Variants in TFRC observed in about 807,000 individuals in gnomAD.
TFRC encodes the protein transferrin receptor, also known as transferrin receptor protein 1.
A neutral mutation model predicts 85.8 loss-of-function variants in TFRC; 35 were observed. The observed-to-expected ratio is 0.41, with a 90% CI of 0.31 to 0.54. The LOEUF (loss-of-function observed/expected upper bound fraction) is 0.54, where lower values mean the gene tolerates loss of function less well. Among genes scored for constraint, TFRC ranks in the 20% least tolerant of loss-of-function variants. The pLI is 0.31. For missense variants in TFRC, 828 were observed against 921.5 expected (o/e 0.90, Z 1.31); for synonymous variants, 362 against 328.6 (o/e 1.10, Z -1.10).
Position 196,051,781 on chromosome 3 carries a change from C to T in TFRC, c.*161G>A. 4.0e-6 allele frequency: 3 copies of T among 743,802 alleles called. 1 individual carries two copies. The highest frequency in any genetic ancestry group is 3.8e-5 in the South Asian group (2 of 52,652). 46.1% of individuals were successfully genotyped at this position (743,802 alleles called of 1,614,324 possible). On this transcript the variant is annotated 3_prime_UTR_variant, in exon 19 of 19. Coordinates refer to ENST00000360110, the MANE Select transcript of TFRC (RefSeq NM_001128148.3). ...TAACTTGAAGTACAGGTTATCTACC[C>T]TGTATTAAAAGCTGCTGCCTAAAGA...
At chr3:196,060,308 T>G in intron 13 of TFRC, 61 bp from the exon 14 acceptor site, 1 of 1,356,568 alleles carries the variant, frequency 7.4e-7, no homozygotes. Flanking sequence ...ACACTGCTAC[T>G]TCTACAACTA....
At chr3:196,058,721 T>C in intron 14 of TFRC, 89 bp from the exon 15 acceptor site, 1 of 840,730 alleles carries the variant, frequency 1.2e-6, no homozygotes, top group Non-Finnish European at 1.8e-6. Context: ...TAACAATTTT[T>C]AAATAAAAAA....
intron 13 of TFRC, 67 bp downstream of exon 13, chr3:196,062,515 A>G (rs1237097748): frequency 6.3e-6 from 9 of 1,429,964 alleles, no homozygotes; most frequent in South Asian, 1.2e-5. Context: ...CCTGGGCGAC[A>G]AGAGCAAAAC....
rs200774597 is a variant in TFRC, at chr3:196,075,060, A to AG, written c.238+98_238+99insC. The AG allele has an allele frequency of 6.9e-3, 4,859 of 707,938 alleles. 80 individuals carry two copies. The highest frequency in any genetic ancestry group is 0.022 in the Middle Eastern group (49 of 2,178). The allele number at this position is 707,938 out of a possible 1,614,324, so 43.9% of individuals were successfully genotyped here. Reference sequence around the variant, plus strand: ...GCCTCTGTCTCCAAAAAAAAAAAAAAAAAAAATAAGGTACAAAATAACTAT... The same window carrying AG: ...GCCTCTGTCTCCAAAAAAAAAAAAAAGAAAAAATAAGGTACAAAATAACTAT... On this transcript the variant is annotated intron_variant, in intron 3 of 18. Transcript: ENST00000360110.
intron 6 of TFRC, among the ~76,000 whole-genome samples, chr3:196,070,410 A>T (rs1718090459): frequency 6.6e-6 from 1 of 151,846 alleles, no homozygotes. Flanking sequence ...GATTACAGGC[A>T]CCCACCACCA....
intron 2 of TFRC, among the ~76,000 whole-genome samples, chr3:196,076,194 T>C (rs949472544): frequency 6.6e-6 from 1 of 151,982 alleles, no homozygotes; most frequent in Non-Finnish European, 1.5e-5. Flanking sequence ...AAGAGAGAAT[T>C]GAGGTCTAGA....
At position 196,050,515 on chromosome 3, in the gene TFRC, T is replaced by C. The variant is rs994963648; in HGVS notation, c.*1427A>G. On this transcript the variant is annotated 3_prime_UTR_variant, in exon 19 of 19. Coordinates refer to ENST00000360110, the MANE Select transcript of TFRC (RefSeq NM_001128148.3). ...TTACTTACACCCTTAGTGTAACATATGGAGATCACTGTCTCCGATACAGAC... is the reference window on the plus strand; with the variant it reads ...TTACTTACACCCTTAGTGTAACATACGGAGATCACTGTCTCCGATACAGAC... The C allele has an allele frequency of 2.0e-5, 4 of 204,286 alleles. No individual in the cohort carries two copies. In the East Asian group the frequency reaches 3.0e-4, roughly 15 times the overall value. The allele number at this position is 204,286 out of a possible 1,614,324, so 12.7% of individuals were successfully genotyped here.
Position 196,051,667 on chromosome 3 carries a change from G to C in TFRC, c.*275C>G. On this transcript the variant is annotated 3_prime_UTR_variant, in exon 19 of 19. Transcript: ENST00000360110. ...CTGACATTTTCATTAACAACAACAG[G>C]AAAGAGGCAGTTCCCATTACAAAGC... The C allele has an allele frequency of 2.4e-6, 1 of 410,584 alleles. No individual in the cohort carries two copies. Among genetic ancestry groups the C allele is most frequent in the African/African-American group, 2.0e-5 (1 of 49,708 alleles). The allele number at this position is 410,584 out of a possible 1,614,324, so 25.4% of individuals were successfully genotyped here.
chr3:196,075,447 T>G, intron 2 of TFRC, 87 bp from the exon 3 acceptor site: 6 of 1,240,890 alleles, frequency 4.8e-6, no homozygotes, highest in Non-Finnish European at 5.9e-6. Flanking sequence ...TATTGGGCCA[T>G]TACTATAACT....
At chr3:196,076,400 C>G (rs1196357755) in intron 2 of TFRC, among the ~76,000 whole-genome samples, 1 of 151,368 alleles carries the variant, frequency 6.6e-6, no homozygotes, top group Non-Finnish European at 1.5e-5. Context: ...ACCTCCCAAA[C>G]TGCTGGGATT....
At chr3:196,077,159 T>C (rs1718772517) in intron 1 of TFRC, 37 bp from the exon 2 acceptor site, 1 of 1,465,706 alleles carries the variant, frequency 6.8e-7, no homozygotes. Flanking sequence ...AGAAAGATAC[T>C]ACTGTATCAG....
intron 2 of TFRC, among the ~76,000 whole-genome samples, chr3:196,075,956 CCT>C (rs1379025627): frequency 1.3e-5 from 2 of 149,588 alleles, no homozygotes; most frequent in African/African-American, 2.4e-5. Context: ...GGTGAAATCC[CCT>C]CTCACTAAAA....
rs1204294061 is a variant in TFRC at position 196,055,294 on chromosome 3, T to C, written c.1685A>G (p.Asp562Gly). 6.2e-7 allele frequency: 1 copy of C among 1,613,934 alleles called. No individual in the cohort carries two copies. Among genetic ancestry groups the C allele is most frequent in the Middle Eastern group, 1.6e-4 (1 of 6,062 alleles). The change falls in exon 17 of 19, where the codon GAT becomes GGT. Residue 562 changes from aspartate to glycine, a missense_variant. Asp to Gly is a moderately conservative substitution (Grantham distance 94). Coordinates refer to ENST00000360110, the MANE Select transcript of TFRC (RefSeq NM_001128148.3). The part of the protein sequence containing the change: ...AVSFCFCEDT[D>G]YPYLGTTMDT... The stretch of plus-strand genomic sequence containing the variant: ...CATGGTGGTACCCAAATAAGGATAA[T>C]CTGTGTCCTGCAAGACAACGCGAGG...
At chr3:196,054,754 G>A (rs1438974693) in intron 17 of TFRC, among the ~76,000 whole-genome samples, 5 of 152,160 alleles carry the variant, frequency 3.3e-5, no homozygotes, top group Non-Finnish European at 5.9e-5. Flanking sequence ...TCCGGGTCAC[G>A]CCCGAGAGGC....
At chr3:196,081,113 C>T (rs1301903494) in intron 1 of TFRC, among the ~76,000 whole-genome samples, 1 of 152,176 alleles carries the variant, frequency 6.6e-6, no homozygotes, top group Non-Finnish European at 1.5e-5. Flanking sequence ...AAGAACTGTC[C>T]AGCAGAATGT....
At chr3:196,070,215 C>T (rs1204435323) in intron 6 of TFRC, among the ~76,000 whole-genome samples, 2 of 151,938 alleles carry the variant, frequency 1.3e-5, no homozygotes, top group Admixed American at 6.6e-5. Context: ...CACAGAACTG[C>T]ACCAGCCCCG....
intron 3 of TFRC, chr3:196,074,403 T>G (rs993222812): frequency 3.9e-6 from 1 of 255,198 alleles, no homozygotes; most frequent in African/African-American, 2.2e-5. Context: ...GCCAGTGTCC[T>G]GCGGATATTT....
chr3:196,081,894 G>A (rs980773964), intron 1 of TFRC, 149 bp downstream of exon 1: 1 of 152,310 alleles, frequency 6.6e-6, no homozygotes. Flanking sequence ...GCTCCATCCC[G>A]GCCGCCCCGC....
chr3:196,055,447 CATT>C, intron 16 of TFRC, 146 bp from the exon 17 acceptor site: 1 of 659,916 alleles, frequency 1.5e-6, no homozygotes, highest in Non-Finnish European at 2.7e-6. Flanking sequence ...AATTCTATCT[CATT>C]ATCTGCTGCT....
Sources: gnomAD v4.1 joint callset for allele counts (sites outside exome capture counted in the v4.1 genomes callset) on GRCh38, gnomAD v4.1.1 for gene constraint, MANE v1.5 for transcripts, NCBI Gene and HGNC (gene_info 2026-07-23, HGNC 2026-07-21) for gene names.